The following ASH1L variants were observed in gnomAD, a reference collection of about 807,000 sequenced individuals.
ASH1L encodes ASH1 like histone lysine methyltransferase.
A neutral mutation model predicts 269.0 loss-of-function variants in ASH1L; 23 were observed. That is an observed-to-expected ratio of 0.09 (90% CI 0.06 to 0.12). The LOEUF (loss-of-function observed/expected upper bound fraction) is 0.12. Ranked by LOEUF, ASH1L falls within the 10% of genes least tolerant of loss-of-function variation. ASH1L has a pLI of 1.00. For missense variants in ASH1L, 2,912 were observed against 3,567.8 expected (o/e 0.82, Z 4.68); for synonymous variants, 1,187 against 1,253.5 (o/e 0.95, Z 1.12).
At chr1:155,339,913 A>T (rs1173596517) in intron 25 of ASH1L, among the ~76,000 whole-genome samples, 3 of 152,142 alleles carry the variant, frequency 2.0e-5, no homozygotes, top group African/African-American at 7.2e-5. Flanking sequence ...TCACTAGATG[A>T]TAGGAAGGAA....
chr1:155,387,105 C>G (rs1034452275), intron 7 of ASH1L, among the ~76,000 whole-genome samples: 2 of 152,024 alleles, frequency 1.3e-5, no homozygotes, highest in African/African-American at 4.8e-5. Context: ...TCTCAAGTAG[C>G]TGGGATTATA....
chr1:155,372,114 C>T (rs1271615368), intron 10 of ASH1L, among the ~76,000 whole-genome samples: 2 of 151,878 alleles, frequency 1.3e-5, no homozygotes, highest in African/African-American at 2.4e-5. Context: ...AGCAATTCTA[C>T]TGCCTTATCT....
At chr1:155,446,459 C>T (rs1041895759) in intron 4 of ASH1L, among the ~76,000 whole-genome samples, 3 of 151,168 alleles carry the variant, frequency 2.0e-5, no homozygotes, top group Non-Finnish European at 4.4e-5. Flanking sequence ...GCACCACGCC[C>T]GGCTAATTTT....
chr1:155,447,948 GGA>G (rs2148647359), intron 4 of ASH1L, among the ~76,000 whole-genome samples: 1 of 152,186 alleles, frequency 6.6e-6, no homozygotes, highest in South Asian at 2.1e-4. Flanking sequence ...TCAATATCCG[GGA>G]GAGTTTTCCC....
chr1:155,400,526 G>A lies in ASH1L; in HGVS notation c.6009-4973C>T, dbSNP rs536117052. On this transcript the variant is annotated intron_variant, in intron 6 of 27. Transcript: ENST00000392403. Reference sequence around the variant, plus strand: ...TTATCATTGCCATTTTAAAGCTGAGGACACTGAGGATCAAGGGTTGCCCAA... The same window carrying A: ...TTATCATTGCCATTTTAAAGCTGAGAACACTGAGGATCAAGGGTTGCCCAA... Among the ~76,000 whole-genome samples, 418 of 152,178 alleles carry A rather than the reference G, an allele frequency of 2.7e-3. 5 individuals are homozygous for A. Among genetic ancestry groups the A allele is most frequent in the Non-Finnish European group, 6.3e-4 (43 of 68,008 alleles).
intron 12 of ASH1L, among the ~76,000 whole-genome samples, chr1:155,367,173 T>A (rs1655508599): frequency 6.6e-6 from 1 of 151,872 alleles, no homozygotes; most frequent in African/African-American, 2.4e-5. Flanking sequence ...TTTATATTTT[T>A]AGTAGAGACA....
chr1:155,348,899 A>T (rs28718212), intron 19 of ASH1L, among the ~76,000 whole-genome samples: 34,582 of 132,026 alleles, frequency 0.26, 4,927 homozygotes, highest in African/African-American at 0.3. Context: ...AAAAAAAAAA[A>T]ATATATATAT....
rs373205605 is a variant in ASH1L at position 155,375,794 on chromosome 1, G to A, written c.6332+2487C>T. Among the ~76,000 whole-genome samples, 287 of 126,032 alleles carry A rather than the reference G, an allele frequency of 2.3e-3. 3 individuals are homozygous for A. The highest frequency in any genetic ancestry group is 9.3e-3 in the African/African-American group (278 of 29,864). 82.7% of individuals were successfully genotyped at this position (126,032 alleles called of 152,430 possible). A position where few individuals can be genotyped will look rare whatever the true frequency, so the allele number is the denominator to read the frequency against. Reference sequence around the variant, plus strand: ...GCCTGGGCAACGAGAATGAAACTTCGTCTCAAAAAAAAAAAAGAAAAATGA... The same window carrying A: ...GCCTGGGCAACGAGAATGAAACTTCATCTCAAAAAAAAAAAAGAAAAATGA... On this transcript the variant is annotated intron_variant, in intron 10 of 27. Transcript: ENST00000392403.
At chr1:155,543,600 G>A (rs1243813218) in intron 1 of ASH1L, among the ~76,000 whole-genome samples, 6 of 150,308 alleles carry the variant, frequency 4.0e-5, no homozygotes, top group Non-Finnish European at 1.5e-5. Flanking sequence ...CTGGATATCC[G>A]TTGGCAGAAA....
intron 3 of ASH1L, among the ~76,000 whole-genome samples, chr1:155,466,534 T>C (rs1489174536): frequency 1.3e-5 from 2 of 152,242 alleles, no homozygotes; most frequent in African/African-American, 2.4e-5. Context: ...ACTTCCTTTA[T>C]AGGCATATCT....
At chr1:155,434,368 A>C in intron 5 of ASH1L, 2 of 1,495,530 alleles carry the variant, frequency 1.3e-6, no homozygotes. Flanking sequence ...TCATTCACTA[A>C]GGAAGGAATT....
intron 6 of ASH1L, among the ~76,000 whole-genome samples, chr1:155,403,597 A>G (rs915737075): frequency 6.6e-6 from 1 of 152,210 alleles, no homozygotes; most frequent in African/African-American, 2.4e-5. Context: ...TAACTGGCAC[A>G]TAATAGGTAT....
intron 2 of ASH1L, 22 bp downstream of exon 2, chr1:155,521,078 T>A: frequency 6.4e-7 from 1 of 1,563,538 alleles, no homozygotes; most frequent in Non-Finnish European, 8.6e-7. Flanking sequence ...AATAACCACA[T>A]ATTGTTAGGA....
upstream of ASH1L, chr1:155,563,056 G>GC (rs1037786218): frequency 1.5e-5 from 7 of 458,566 alleles, no homozygotes; most frequent in Non-Finnish European, 3.1e-5. Context: ...GGCGGACCGA[G>GC]CCCCACGACA....
chr1:155,461,340 G>A (rs1399652023), intron 3 of ASH1L, among the ~76,000 whole-genome samples: 1 of 152,088 alleles, frequency 6.6e-6, no homozygotes, highest in African/African-American at 2.4e-5. Flanking sequence ...GCACTGCTCA[G>A]GTGAGATGTA....
chr1:155,556,432 GTGTGTGTA>G (rs1671593824), intron 1 of ASH1L, among the ~76,000 whole-genome samples: 1 of 150,816 alleles, frequency 6.6e-6, no homozygotes, highest in Admixed American at 6.6e-5. Flanking sequence ...GTGTGTGTGT[GTGTGTGTA>G]TGTGTATATA....
intron 2 of ASH1L, among the ~76,000 whole-genome samples, chr1:155,510,923 A>G (rs1004070140): frequency 6.6e-6 from 1 of 152,194 alleles, no homozygotes; most frequent in African/African-American, 2.4e-5. Flanking sequence ...ATATAGCAAA[A>G]TATTACCCAG....
rs1414283293 is a variant in ASH1L, at chr1:155,562,627, C to T, written c.-574G>A. Reference sequence around the variant, plus strand: ...CCGCACGCGTACGAGTGTCTACGGGCTCGTCGCTGGCTGCTCCCACCAACC... The same window carrying T: ...CCGCACGCGTACGAGTGTCTACGGGTTCGTCGCTGGCTGCTCCCACCAACC... On this transcript the variant is annotated 5_prime_UTR_variant, in exon 1 of 28. Transcript: ENST00000392403. The T allele has an allele frequency of 1.8e-5, 27 of 1,526,874 alleles. No homozygotes were observed. The East Asian group carries it at 6.1e-4, about 35-fold the overall frequency. The allele number at this position is 1,526,874 out of a possible 1,614,324, so 94.6% of individuals were successfully genotyped here. A position where few individuals can be genotyped will look rare whatever the true frequency, so the allele number is the denominator to read the frequency against.
chr1:155,469,474 C>T lies in ASH1L; in HGVS notation c.4984+8412G>A, dbSNP rs555668367. ...CTGGGATTACAGGCGTGAGCCACCA[C>T]GTCCACCCACTTGACACTCTTGACT... On this transcript the variant is annotated intron_variant, in intron 3 of 27. Coordinates refer to ENST00000392403, the MANE Select transcript of ASH1L (RefSeq NM_018489.3). 2.3e-4 allele frequency among the ~76,000 whole-genome samples: 35 copies of T among 152,284 alleles called. 1 individual carries two copies. Among genetic ancestry groups the T allele is most frequent in the Admixed American group, 1.0e-3 (16 of 15,286 alleles).
Sources: gnomAD v4.1 joint callset for allele counts (sites outside exome capture counted in the v4.1 genomes callset) on GRCh38, gnomAD v4.1.1 for gene constraint, MANE v1.5 for transcripts, NCBI Gene and HGNC (gene_info 2026-07-23, HGNC 2026-07-21) for gene names.